PLCB1: variants seen among roughly 807,000 people sequenced by gnomAD.
PLCB1 encodes the protein 1-phosphatidylinositol 4,5-bisphosphate phosphodiesterase beta-1.
A neutral mutation model predicts 161.8 loss-of-function variants in PLCB1; 46 were observed. The ratio of observed to expected loss-of-function variants is 0.28; its 90% CI spans 0.22 to 0.36. The LOEUF (loss-of-function observed/expected upper bound fraction) is 0.36. Among genes scored for constraint, PLCB1 ranks in the 10% least tolerant of loss-of-function variants. The pLI is 1.00. For missense variants in PLCB1, 1,016 were observed against 1,472.5 expected (o/e 0.69, Z 5.07); for synonymous variants, 517 against 503.7 (o/e 1.03, Z -0.35).
chr20:8,167,874 T>G (rs1600212163), intron 2 of PLCB1, among the ~76,000 whole-genome samples: 1 of 152,118 alleles, frequency 6.6e-6, no homozygotes, highest in African/African-American at 2.4e-5. Flanking sequence ...TGGTGCAGGC[T>G]CTGGGGGATC....
chr20:8,427,300 G>T (rs984486573), intron 3 of PLCB1, among the ~76,000 whole-genome samples: 4 of 152,192 alleles, frequency 2.6e-5, no homozygotes, highest in Non-Finnish European at 5.9e-5. Context: ...CTGATGGACA[G>T]TCCTGTTTGC....
chr20:8,335,914 T>G (rs903190070), intron 2 of PLCB1, among the ~76,000 whole-genome samples: 2 of 152,132 alleles, frequency 1.3e-5, no homozygotes, highest in Non-Finnish European at 2.9e-5. Flanking sequence ...CTGCCTACAA[T>G]AACGCTGGTC....
chr20:8,305,834 A>C (rs1984110711), intron 2 of PLCB1: 1 of 152,196 alleles, frequency 6.6e-6, no homozygotes, highest in Non-Finnish European at 1.5e-5. Context: ...ATGTACTGAA[A>C]CACTCATTTC....
intron 3 of PLCB1, among the ~76,000 whole-genome samples, chr20:8,545,989 T>C (rs1273937100): frequency 6.6e-6 from 1 of 152,160 alleles, no homozygotes; most frequent in East Asian, 1.9e-4. Context: ...TATGCCATCA[T>C]TGCAAAAATC....
At chr20:8,658,396 A>G in intron 8 of PLCB1, 142 bp from the exon 9 acceptor site, 4 of 618,414 alleles carry the variant, frequency 6.5e-6, no homozygotes, top group Non-Finnish European at 8.3e-6. Flanking sequence ...GGAGAAGCAC[A>G]GTGTTTTCAG....
intron 9 of PLCB1, among the ~76,000 whole-genome samples, chr20:8,677,638 A>G (rs1990117983): frequency 6.6e-6 from 1 of 152,052 alleles, no homozygotes; most frequent in Non-Finnish European, 1.5e-5. Context: ...AACCAAAACA[A>G]AACAGGCCAC....
chr20:8,610,230 C>A (rs534068563), intron 3 of PLCB1, among the ~76,000 whole-genome samples: 5 of 152,270 alleles, frequency 3.3e-5, no homozygotes, highest in Admixed American at 3.3e-4. Context: ...TTTGCACCAA[C>A]CTAATACCTG....
intron 2 of PLCB1, among the ~76,000 whole-genome samples, chr20:8,246,049 A>G (rs771415905): frequency 1.3e-5 from 2 of 151,944 alleles, no homozygotes; most frequent in Non-Finnish European, 2.9e-5. Context: ...TATTTTGTAC[A>G]TGAGCATTCA....
At chr20:8,540,501 A>G (rs984872786) in intron 3 of PLCB1, among the ~76,000 whole-genome samples, 1 of 152,152 alleles carries the variant, frequency 6.6e-6, no homozygotes, top group Non-Finnish European at 1.5e-5. Flanking sequence ...GAAGCACATT[A>G]TATCTCAGAA....
intron 31 of PLCB1, among the ~76,000 whole-genome samples, chr20:8,838,228 A>T (rs148388552): frequency 0.015 from 2,297 of 152,262 alleles, 43 homozygotes; most frequent in Middle Eastern, 0.017. Flanking sequence ...ATTACTGAAA[A>T]TTTATACTGT....
At chr20:8,841,535 C>A (rs1363414806) in intron 31 of PLCB1, among the ~76,000 whole-genome samples, 1 of 152,194 alleles carries the variant, frequency 6.6e-6, no homozygotes, top group African/African-American at 2.4e-5. Context: ...TCTCTTAATT[C>A]TTTGTTCTGT....
chr20:8,137,823 T>C (rs1372815493), intron 1 of PLCB1, among the ~76,000 whole-genome samples: 1 of 152,250 alleles, frequency 6.6e-6, no homozygotes. Context: ...TGCTTGTTTT[T>C]AATCTAATAA....
chr20:8,617,450 T>C (rs1485805646), intron 3 of PLCB1, among the ~76,000 whole-genome samples: 1 of 152,158 alleles, frequency 6.6e-6, no homozygotes, highest in African/African-American at 2.4e-5. Context: ...TGATCTTTTT[T>C]TCAATTCTGA....
chr20:8,226,446 G>A (rs80216412), intron 2 of PLCB1, among the ~76,000 whole-genome samples: 3,130 of 152,052 alleles, frequency 0.021, 88 homozygotes, highest in African/African-American at 0.068. Context: ...AGAAGCTGGG[G>A]GCCTATAGCA....
intron 31 of PLCB1, among the ~76,000 whole-genome samples, chr20:8,855,155 A>G (rs2146306433): frequency 6.6e-6 from 1 of 152,320 alleles, no homozygotes; most frequent in African/African-American, 2.4e-5. Context: ...TATGATTGGA[A>G]GGAAGAAAGA....
intron 3 of PLCB1, among the ~76,000 whole-genome samples, chr20:8,584,045 G>GA (rs1360080921): frequency 3.3e-5 from 5 of 152,158 alleles, no homozygotes; most frequent in Non-Finnish European, 7.3e-5. Flanking sequence ...CTCTAGCAGA[G>GA]AAAAACGATA....
chr20:8,339,260 G>T (rs1452166301), intron 2 of PLCB1, among the ~76,000 whole-genome samples: 1 of 152,144 alleles, frequency 6.6e-6, no homozygotes, highest in African/African-American at 2.4e-5. Flanking sequence ...ATCTCACCAG[G>T]AGTGTGGGAG....
At position 8,300,615 on chromosome 20, in the gene PLCB1, T is replaced by C. The variant is rs374375609; in HGVS notation, c.178-70767T>C. On this transcript the variant is annotated intron_variant, in intron 2 of 31. Coordinates refer to ENST00000338037, the MANE Select transcript of PLCB1 (RefSeq NM_015192.4). ...TGCAGGTTTGTTACATACGTATACA[T>C]GTGCCATGTTGGTGTGCTGCACCCA... 1.6e-4 allele frequency among the ~76,000 whole-genome samples: 24 copies of C among 152,196 alleles called. 1 individual carries two copies. The East Asian group carries it at 4.5e-3, about 28-fold the overall frequency.
In PLCB1 at chr20:8,561,870, A is replaced by G. The variant is rs112157567; in HGVS notation, c.247-66424A>G. 5.4e-3 allele frequency among the ~76,000 whole-genome samples: 822 copies of G among 151,998 alleles called. 7 individuals are homozygous for G. Among genetic ancestry groups the G allele is most frequent in the African/African-American group, 0.014 (576 of 41,392 alleles). ...TATAAAATTAAGAATGTTCACTACA[A>G]TCTACATATAAGAACTAATAAGCCT... On this transcript the variant is annotated intron_variant, in intron 3 of 31. Transcript: ENST00000338037.
Sources: gnomAD v4.1 joint callset for allele counts (sites outside exome capture counted in the v4.1 genomes callset) on GRCh38, gnomAD v4.1.1 for gene constraint, MANE v1.5 for transcripts, NCBI Gene and HGNC (gene_info 2026-07-23, HGNC 2026-07-21) for gene names.